The following GSN variants were observed in gnomAD, a reference collection of about 807,000 sequenced individuals.
GSN encodes gelsolin.
Under a neutral mutation model 85.7 loss-of-function variants are expected in GSN, and 56 were observed. That is an observed-to-expected ratio of 0.65 (90% CI 0.53 to 0.82). GSN has a LOEUF of 0.82. GSN is among the 40% of genes least tolerant of loss of function. The probability of loss-of-function intolerance (pLI) is 0.00; values close to 1 mark genes in which losing one functional copy is unlikely to be tolerated. For missense variants in GSN, 857 were observed against 979.8 expected (o/e 0.87, Z 1.67); for synonymous variants, 373 against 399.1 (o/e 0.93, Z 0.78).
chr9:121,228,480 C>T (rs2054322634), intron 4 of GSN, among the ~76,000 whole-genome samples: 1 of 125,730 alleles, frequency 8.0e-6, no homozygotes, highest in Admixed American at 9.8e-5. Flanking sequence ...GTTACCCAGA[C>T]TGGAGTGCAG....
At chr9:121,220,929 T>C (rs1330548966) in intron 4 of GSN, among the ~76,000 whole-genome samples, 1 of 152,240 alleles carries the variant, frequency 6.6e-6, no homozygotes, top group South Asian at 2.1e-4. Context: ...AGTGAATAGA[T>C]GTACAGAAAA....
At chr9:121,219,663 C>A (rs2054131249) in intron 4 of GSN, among the ~76,000 whole-genome samples, 1 of 152,250 alleles carries the variant, frequency 6.6e-6, no homozygotes, top group Admixed American at 6.5e-5. Context: ...TTAACATAGT[C>A]AATCACACAC....
At chr9:121,289,486 A>G (rs916119054) in intron 2 of GSN, among the ~76,000 whole-genome samples, 1 of 152,084 alleles carries the variant, frequency 6.6e-6, no homozygotes, top group Non-Finnish European at 1.5e-5. Flanking sequence ...AGCTTAGGAG[A>G]GAGAGAACCT....
At chr9:121,207,218 C>G (rs1482670964), upstream of GSN, among the ~76,000 whole-genome samples, 1 of 152,156 alleles carries the variant, frequency 6.6e-6, no homozygotes, top group Non-Finnish European at 1.5e-5. Flanking sequence ...AACAAGCCAG[C>G]CTGCCAGTTT....
At chr9:121,239,193 T>C (rs2054554061) in intron 5 of GSN, 1 of 324,714 alleles carries the variant, frequency 3.1e-6, no homozygotes, top group African/African-American at 2.2e-5. Context: ...GAATCTCTTC[T>C]CTGGCTGTAG....
In GSN at chr9:121,318,839, G is replaced by A. The variant is rs2062029290; in HGVS notation, c.1150G>A (p.Ala384Thr). 1 of 1,614,050 alleles carries A rather than the reference G, an allele frequency of 6.2e-7. No individual in the cohort carries two copies. Among genetic ancestry groups the A allele is most frequent in the Non-Finnish European group, 8.5e-7 (1 of 1,180,012 alleles). Residue 384 changes from alanine to threonine, a missense_variant, in exon 10 of 18, where the codon GCC becomes ACC. Transcript: ENST00000432226. The surrounding 1 kb of genome is among the most constrained non-coding windows in gnomAD (Gnocchi z 4.3). ...ATLHTSTAMA[A>T]QHGMDDDGTG... ...CCTGCACACCTCCACTGCCATGGCCGCCCAGCACGGCATGGATGACGATGG... is the reference window on the plus strand; with the variant it reads ...CCTGCACACCTCCACTGCCATGGCCACCCAGCACGGCATGGATGACGATGG...
chr9:121,248,217 G>A (rs2054742332), intron 5 of GSN: 1 of 151,976 alleles, frequency 6.6e-6, no homozygotes, highest in South Asian at 2.1e-4. Context: ...GTCTCACTCT[G>A]TTGCCCAGGC....
At chr9:121,276,249 T>A (rs2056654705) in intron 1 of GSN, among the ~76,000 whole-genome samples, 1 of 152,254 alleles carries the variant, frequency 6.6e-6, no homozygotes, top group Non-Finnish European at 1.5e-5. Flanking sequence ...TAGGTTTTCT[T>A]AATACAGGCT....
Position 121,310,687 on chromosome 9 carries a change from G to A in GSN, c.355G>A (p.Gly119Arg), listed in dbSNP as rs2061009746. ...TGCTGTCTCTTTGGCCCCACAGAAA[G>A]GAGGTGTGGCATCAGGATTCAAGCA... ...YFKSGLKYKKGGVASGFKHVV... is the reference protein window; with the variant it reads ...YFKSGLKYKKRGVASGFKHVV... The change falls in exon 5 of 18, where the codon GGA becomes AGA. Residue 119 changes from glycine to arginine, a missense_variant. Gly to Arg is a moderately radical substitution (Grantham distance 125). Coordinates refer to ENST00000432226, the MANE Select transcript of GSN (RefSeq NM_198252.3). The A allele has an allele frequency of 6.2e-7, 1 of 1,613,986 alleles. No homozygotes were observed. The highest frequency in any genetic ancestry group is 1.7e-5 in the Admixed American group (1 of 59,994).
chr9:121,212,231 ACT>A (rs1287396713), intron 4 of GSN, among the ~76,000 whole-genome samples: 2 of 152,160 alleles, frequency 1.3e-5, no homozygotes, highest in African/African-American at 4.8e-5. Flanking sequence ...TGGAAACCAG[ACT>A]CTCTAATCCT....
At chr9:121,314,614 A>G (rs1473661178) in intron 7 of GSN, among the ~76,000 whole-genome samples, 2 of 152,202 alleles carry the variant, frequency 1.3e-5, no homozygotes, top group African/African-American at 4.8e-5. Context: ...AAAAACTACT[A>G]CATTATCGAT....
At chr9:121,326,311 C>CCCTGGGGA (rs1369039232) in intron 12 of GSN, among the ~76,000 whole-genome samples, 6 of 151,994 alleles carry the variant, frequency 3.9e-5, no homozygotes, top group African/African-American at 1.5e-4. Context: ...AGCAGCAGTG[C>CCCTGGGGA]CCTGGGGACC....
chr9:121,267,337 T>C (rs188888604), upstream of GSN, among the ~76,000 whole-genome samples: 28 of 152,354 alleles, frequency 1.8e-4, 1 homozygote, highest in African/African-American at 6.0e-4. Context: ...CTACCCAATG[T>C]GGATTTCCTC....
intron 5 of GSN, among the ~76,000 whole-genome samples, chr9:121,244,337 T>C (rs1012520995): frequency 6.6e-6 from 1 of 152,238 alleles, no homozygotes; most frequent in Non-Finnish European, 1.5e-5. Flanking sequence ...TTTTCATGTC[T>C]CTTGAGTAAA....
chr9:121,327,561 C>A, intron 14 of GSN, 79 bp downstream of exon 14: 1 of 1,169,176 alleles, frequency 8.6e-7, no homozygotes, highest in Non-Finnish European at 1.2e-6. Context: ...AGCTTGGGGG[C>A]TCTAAATCCT....
At chr9:121,236,680 C>T (rs1298506108) in intron 5 of GSN, among the ~76,000 whole-genome samples, 1 of 152,140 alleles carries the variant, frequency 6.6e-6, no homozygotes, top group Non-Finnish European at 1.5e-5. Flanking sequence ...TAACAAAGAA[C>T]AGAGAGACCA....
At chr9:121,233,201 C>G (rs139143593) in intron 5 of GSN, among the ~76,000 whole-genome samples, 2 of 152,290 alleles carry the variant, frequency 1.3e-5, no homozygotes, top group Non-Finnish European at 2.9e-5. Context: ...CGCGGTGGCT[C>G]ATGCCTGTAA....
chr9:121,256,014 C>T (rs2054949899), intron 6 of GSN, among the ~76,000 whole-genome samples: 1 of 151,950 alleles, frequency 6.6e-6, no homozygotes, highest in Non-Finnish European at 1.5e-5. Context: ...AGGGAGAGGA[C>T]TTAGAGATAC....
intron 1 of GSN, among the ~76,000 whole-genome samples, chr9:121,272,894 G>A (rs2056178433): frequency 6.6e-6 from 1 of 152,158 alleles, no homozygotes; most frequent in Non-Finnish European, 1.5e-5. Flanking sequence ...TACCAGTGAG[G>A]AAACTCAGGC....
Sources: gnomAD v4.1 joint callset for allele counts (sites outside exome capture counted in the v4.1 genomes callset) on GRCh38, gnomAD v4.1.1 for gene constraint, Gnocchi (gnomAD v3.1) non-coding constraint, MANE v1.5 for transcripts, NCBI Gene and HGNC (gene_info 2026-07-23, HGNC 2026-07-21) for gene names.